IMMP2L: variants seen among roughly 807,000 people sequenced by gnomAD.
IMMP2L encodes the protein mitochondrial inner membrane protease subunit 2.
Under a neutral mutation model 19.3 loss-of-function variants are expected in IMMP2L, and 18 were observed. The observed-to-expected ratio is 0.93, with a 90% CI of 0.64 to 1.38. IMMP2L has a LOEUF of 1.38. IMMP2L is among the 40% of genes most tolerant of loss of function. IMMP2L has a pLI of 0.00. For synonymous variants in IMMP2L, 76 were observed against 73.0 expected, an observed-to-expected ratio of 1.04 and a Z score of -0.21; for missense variants, 233 against 218.2, an observed-to-expected ratio of 1.07 and a Z score of -0.43.
At chr7:111,439,292 C>T (rs1837488354) in intron 3 of IMMP2L, among the ~76,000 whole-genome samples, 1 of 151,780 alleles carries the variant, frequency 6.6e-6, no homozygotes, top group African/African-American at 2.4e-5. Context: ...CAGTCTCAAG[C>T]TTCCCCTCCA....
At chr7:110,843,243 C>T (rs1318715848) in intron 5 of IMMP2L, among the ~76,000 whole-genome samples, 1 of 151,986 alleles carries the variant, frequency 6.6e-6, no homozygotes, top group Non-Finnish European at 1.5e-5. Flanking sequence ...TTGAAGAAAT[C>T]CAAAAATGGT....
intron 5 of IMMP2L, among the ~76,000 whole-genome samples, chr7:110,749,431 A>C (rs572396396): frequency 1.2e-4 from 19 of 152,288 alleles, no homozygotes; most frequent in Admixed American, 1.1e-3. Context: ...TTATACTATA[A>C]AGACACATGC....
rs1261120732 is a variant in IMMP2L at position 111,228,055 on chromosome 7, G to A, written c.239+259183C>T. ...AGCCATAGGCCACAGAAATCTATCA[G>A]AAATAATGTCAGGATTGACTTCAGA... On this transcript the variant is annotated intron_variant, in intron 3 of 5. Coordinates refer to ENST00000405709, the MANE Select transcript of IMMP2L (RefSeq NM_032549.4). Among the ~76,000 whole-genome samples the A allele has an allele frequency of 2.0e-5, 3 of 152,192 alleles. No individual in the cohort carries two copies. The East Asian group carries it at 5.8e-4, about 29-fold the overall frequency.
At chr7:110,980,903 TGAAAA>T (rs1251162287) in intron 3 of IMMP2L, among the ~76,000 whole-genome samples, 1 of 152,122 alleles carries the variant, frequency 6.6e-6, no homozygotes. Context: ...TAATCCAAAA[TGAAAA>T]GAAATAAAAT....
chr7:111,419,333 TA>T (rs752332074), intron 3 of IMMP2L, among the ~76,000 whole-genome samples: 26 of 151,752 alleles, frequency 1.7e-4, no homozygotes, highest in Non-Finnish European at 3.7e-4. Context: ...ACACTTTTAC[TA>T]AAGATTTTTT....
intron 3 of IMMP2L, among the ~76,000 whole-genome samples, chr7:111,370,370 AAAT>A (rs1174403245): frequency 6.6e-6 from 1 of 152,050 alleles, no homozygotes; most frequent in Admixed American, 6.6e-5. Context: ...TTCATTTAGC[AAAT>A]ACCTCTAGAA....
At chr7:110,957,644 T>C (rs867311990) in intron 4 of IMMP2L, among the ~76,000 whole-genome samples, 74 of 152,128 alleles carry the variant, frequency 4.9e-4, no homozygotes, top group African/African-American at 1.6e-3. Flanking sequence ...CCTCCTTCAG[T>C]AAAGTCCCAA....
At chr7:111,026,575 G>T (rs17158262) in intron 3 of IMMP2L, among the ~76,000 whole-genome samples, 2 of 151,890 alleles carry the variant, frequency 1.3e-5, no homozygotes, top group Non-Finnish European at 2.9e-5. Context: ...TAAATAGCTC[G>T]GAAATTCCAA....
intron 4 of IMMP2L, among the ~76,000 whole-genome samples, chr7:110,894,278 G>A (rs1393176549): frequency 6.6e-6 from 1 of 152,090 alleles, no homozygotes; most frequent in Non-Finnish European, 1.5e-5. Flanking sequence ...TCTCACTATT[G>A]TTAATTAGAT....
chr7:111,488,127 A>C (rs1193760031), intron 2 of IMMP2L, among the ~76,000 whole-genome samples: 1 of 152,208 alleles, frequency 6.6e-6, no homozygotes. Context: ...AGGCAAGAAC[A>C]GGGGGACAAA....
intron 3 of IMMP2L, among the ~76,000 whole-genome samples, chr7:111,166,099 C>A (rs867764681): frequency 1.3e-5 from 2 of 152,020 alleles, no homozygotes; most frequent in South Asian, 2.1e-4. Context: ...AAAATTATTT[C>A]ATTTAAACCC....
chr7:111,208,088 G>C (rs1481693580), intron 3 of IMMP2L, among the ~76,000 whole-genome samples: 1 of 151,914 alleles, frequency 6.6e-6, no homozygotes, highest in Admixed American at 6.6e-5. Flanking sequence ...TCAGTCTTCA[G>C]TCAGGACCTA....
At chr7:110,746,365 AG>A (rs1161416494) in intron 5 of IMMP2L, among the ~76,000 whole-genome samples, 2 of 152,132 alleles carry the variant, frequency 1.3e-5, no homozygotes, top group South Asian at 2.1e-4. Context: ...AAAATTAACA[AG>A]GATATTCAGG....
intron 1 of IMMP2L, among the ~76,000 whole-genome samples, chr7:111,543,952 C>A (rs1848691663): frequency 1.3e-5 from 2 of 152,056 alleles, no homozygotes; most frequent in South Asian, 4.2e-4. Flanking sequence ...TGGACAGTGT[C>A]CATCTTATAG....
At chr7:111,005,967 G>T (rs923335985) in intron 3 of IMMP2L, among the ~76,000 whole-genome samples, 6 of 149,476 alleles carry the variant, frequency 4.0e-5, no homozygotes, top group African/African-American at 1.2e-4. Flanking sequence ...GAAAGGCCAG[G>T]TTTTTTTTTT....
chr7:110,965,959 T>C (rs569875273), intron 3 of IMMP2L, among the ~76,000 whole-genome samples: 1 of 152,134 alleles, frequency 6.6e-6, no homozygotes, highest in African/African-American at 2.4e-5. Flanking sequence ...ATGAGATGAT[T>C]ACGAATGTAT....
chr7:110,916,821 A>G (rs965054935), intron 4 of IMMP2L, among the ~76,000 whole-genome samples: 1 of 152,196 alleles, frequency 6.6e-6, no homozygotes, highest in African/African-American at 2.4e-5. Flanking sequence ...CTATATTTGA[A>G]ATATTATAGT....
At chr7:110,961,744 A>G (rs1818966129) in intron 4 of IMMP2L, among the ~76,000 whole-genome samples, 1 of 151,928 alleles carries the variant, frequency 6.6e-6, no homozygotes, top group South Asian at 2.1e-4. Context: ...AAATAAACTA[A>G]TAACATGCAC....
rs957226372 is a variant in IMMP2L at position 111,472,516 on chromosome 7, T to C, written c.239+14722A>G. On this transcript the variant is annotated intron_variant, in intron 3 of 5. Coordinates refer to ENST00000405709, the MANE Select transcript of IMMP2L (RefSeq NM_032549.4). ...AAAATCTTCAAAGACACTCAACCAT[T>C]ATGTTGTAGGTAAACCACAGTTCCA... Among the ~76,000 whole-genome samples, 5 of 152,150 alleles carry C rather than the reference T, an allele frequency of 3.3e-5. No individual in the cohort carries two copies. In the East Asian group the frequency reaches 5.8e-4, roughly 18 times the overall value.
Sources: gnomAD v4.1 joint callset for allele counts (sites outside exome capture counted in the v4.1 genomes callset) on GRCh38, gnomAD v4.1.1 for gene constraint, MANE v1.5 for transcripts, NCBI Gene and HGNC (gene_info 2026-07-23, HGNC 2026-07-21) for gene names.